Variants in GGH observed in about 807,000 individuals in gnomAD.
GGH encodes gamma-glutamyl hydrolase.
A neutral mutation model predicts 39.2 loss-of-function variants in GGH; 18 were observed. The observed-to-expected ratio is 0.46, with a 90% CI of 0.32 to 0.68. The LOEUF (loss-of-function observed/expected upper bound fraction) is 0.68. GGH is among the 30% of genes least tolerant of loss of function. GGH has a pLI of 0.04. For missense variants in GGH, 367 were observed against 384.1 expected (o/e 0.96, Z 0.37); for synonymous variants, 147 against 138.8 (o/e 1.06, Z -0.42).
intron 5 of GGH, 87 bp from the exon 6 acceptor site, chr8:63,024,273 A>AT: frequency 1.4e-6 from 1 of 709,414 alleles, no homozygotes; most frequent in Admixed American, 2.6e-5. Flanking sequence ...AAGAGAAGCC[A>AT]TTATGAAGAC....
At chr8:63,038,539 G>T in intron 1 of GGH, 121 bp downstream of exon 1, 1 of 498,940 alleles carries the variant, frequency 2.0e-6, no homozygotes, top group Non-Finnish European at 3.5e-6. Flanking sequence ...TGCACCAAAA[G>T]CGAAGCACAT....
chr8:63,015,355 G>A lies in GGH; in HGVS notation c.934C>T (p.Gln312Ter). The change falls in exon 9 of 9, where the codon CAG (glutamine) becomes TAG (stop). Residue 312 changes from glutamine to a stop codon, truncating the protein, a stop_gained. Coordinates refer to ENST00000260118, the MANE Select transcript of GGH (RefSeq NM_003878.3). LOFTEE classifies it high-confidence loss of function. ...PIYTGNISSF[Q>*]QCYIFD ...TTTCAATCAAATATGTAACATTGCT[G>A]AAATGAAGAAATATTTCCAGTATAA... The A allele has an allele frequency of 7.2e-7, 1 of 1,396,718 alleles. No individual in the cohort carries two copies. Among genetic ancestry groups the A allele is most frequent in the East Asian group, 2.3e-5 (1 of 42,580 alleles). 86.5% of individuals were successfully genotyped at this position (1,396,718 alleles called of 1,614,324 possible). A position where few individuals can be genotyped will look rare whatever the true frequency, so the allele number is the denominator to read the frequency against.
chr8:63,019,231 A>T (rs4521747), intron 7 of GGH, among the ~76,000 whole-genome samples: 18,823 of 152,236 alleles, frequency 0.12, 1,373 homozygotes, highest in East Asian at 0.34. Context: ...CCAGGAAAAT[A>T]TGTATCTTGT....
chr8:63,032,699 A>G (rs59169978), intron 2 of GGH, among the ~76,000 whole-genome samples: 12,046 of 152,238 alleles, frequency 0.079, 479 homozygotes, highest in South Asian at 0.17. Flanking sequence ...AGGCTAGTCT[A>G]TGAACTCACC....
At position 63,034,457 on chromosome 8, in the gene GGH, A is replaced by G. The variant is rs532488614; in HGVS notation, c.224+1199T>C. 2.0e-5 allele frequency among the ~76,000 whole-genome samples: 3 copies of G among 152,306 alleles called. No homozygotes were observed. The South Asian group carries it at 6.2e-4, about 32-fold the overall frequency. On this transcript the variant is annotated intron_variant, in intron 2 of 8. Coordinates refer to ENST00000260118, the MANE Select transcript of GGH (RefSeq NM_003878.3). ...TTTTGATGAGGAATTGTTTGCAAAAACAGGCTGTACAGAATAAATAGTGTT... is the reference window on the plus strand; with the variant it reads ...TTTTGATGAGGAATTGTTTGCAAAAGCAGGCTGTACAGAATAAATAGTGTT...
chr8:63,031,178 T>G (rs767961722), intron 2 of GGH, among the ~76,000 whole-genome samples: 5 of 152,172 alleles, frequency 3.3e-5, no homozygotes, highest in Non-Finnish European at 5.9e-5. Context: ...CTCACACCCA[T>G]TATTAACTAG....
intron 3 of GGH, chr8:63,028,022 T>C (rs1338362689): frequency 1.3e-5 from 2 of 152,170 alleles, no homozygotes; most frequent in East Asian, 1.9e-4. Context: ...AAAAATGGTA[T>C]TAATCATATT....
intron 7 of GGH, among the ~76,000 whole-genome samples, chr8:63,022,415 A>G (rs1444623068): frequency 6.6e-6 from 1 of 152,076 alleles, no homozygotes; most frequent in Non-Finnish European, 1.5e-5. Context: ...CACATTTGGC[A>G]TTTACATTTA....
chr8:63,028,795 A>G (rs1701171901), intron 3 of GGH, among the ~76,000 whole-genome samples: 1 of 152,194 alleles, frequency 6.6e-6, no homozygotes, highest in Non-Finnish European at 1.5e-5. Flanking sequence ...AGCTCCCCAA[A>G]GTATGTATTC....
intron 3 of GGH, among the ~76,000 whole-genome samples, chr8:63,029,329 T>C (rs867278493): frequency 7.9e-5 from 12 of 152,132 alleles, no homozygotes; most frequent in South Asian, 2.1e-4. Flanking sequence ...ACATTGTTCA[T>C]AGGACAATGG....
At chr8:63,032,718 A>G (rs1322565529) in intron 2 of GGH, among the ~76,000 whole-genome samples, 2 of 152,192 alleles carry the variant, frequency 1.3e-5, no homozygotes, top group African/African-American at 4.8e-5. Context: ...CCCCATATGT[A>G]TTACACTGTT....
rs562318134 is a variant in GGH, at chr8:63,015,154, G to T, written c.*178C>A. On this transcript the variant is annotated 3_prime_UTR_variant, in exon 9 of 9. Coordinates refer to ENST00000260118, the MANE Select transcript of GGH (RefSeq NM_003878.3). ...TTTCCATGAAAAACACTCTATTTAT[G>T]TCTCACTATTTAATTATCTAATGTT... 1.8e-5 allele frequency: 7 copies of T among 384,818 alleles called. No homozygotes were observed. The South Asian group carries it at 6.9e-4, about 38-fold the overall frequency. The allele number at this position is 384,818 out of a possible 1,614,324, so 23.8% of individuals were successfully genotyped here. A position where few individuals can be genotyped will look rare whatever the true frequency, so the allele number is the denominator to read the frequency against.
intron 7 of GGH, 184 bp from the exon 8 acceptor site, chr8:63,017,814 G>T: frequency 2.1e-6 from 1 of 487,468 alleles, no homozygotes; most frequent in East Asian, 3.4e-5. Flanking sequence ...TCCCTGTAAC[G>T]TATTTCACTG....
At chr8:63,017,695 GGTTT>G (rs1275254198) in intron 7 of GGH, 65 bp from the exon 8 acceptor site, 22 of 963,754 alleles carry the variant, frequency 2.3e-5, no homozygotes, top group Admixed American at 5.3e-5. Context: ...TAATGAAATT[GGTTT>G]ATTTCTTATG....
At chr8:63,029,782 T>C (rs191583428) in intron 3 of GGH, among the ~76,000 whole-genome samples, 44 of 152,080 alleles carry the variant, frequency 2.9e-4, no homozygotes, top group African/African-American at 1.1e-3. Context: ...GAATATTTTT[T>C]CCCAATTTAC....
At chr8:63,020,099 T>C (rs1333529833) in intron 7 of GGH, among the ~76,000 whole-genome samples, 2 of 152,198 alleles carry the variant, frequency 1.3e-5, no homozygotes. Context: ...TTGAAGTCAC[T>C]GACATTCAGT....
chr8:63,035,688 C>G lies in GGH; in HGVS notation c.192G>C (p.Leu64Phe). ...GTACAACTCTCGCACCTGCAGACTC[C>G]AAGTACTTTACATAGGACGCAGCAA... ...YYIAASYVKY[L>F]ESAGARVVPV... The change falls in exon 2 of 9, where the codon TTG (leucine) becomes TTC (phenylalanine). Residue 64 changes from leucine (L) to phenylalanine (F), a missense_variant. Physicochemically the swap from Leu to Phe is conservative, Grantham distance 22 (BLOSUM62 0). Transcript: ENST00000260118. 1 of 1,612,790 alleles carries G rather than the reference C, an allele frequency of 6.2e-7. No homozygotes were observed. The highest frequency in any genetic ancestry group is 1.1e-5 in the South Asian group (1 of 90,714).
intron 5 of GGH, chr8:63,024,571 C>A: frequency 6.1e-6 from 1 of 162,656 alleles, no homozygotes; most frequent in Non-Finnish European, 1.3e-5. Flanking sequence ...TCAAATATAA[C>A]ATATTTTCAG....
intron 2 of GGH, among the ~76,000 whole-genome samples, chr8:63,031,430 T>C (rs1804800048): frequency 6.6e-6 from 1 of 152,170 alleles, no homozygotes; most frequent in Non-Finnish European, 1.5e-5. Flanking sequence ...AATATACATG[T>C]ACCCAGTATT....
Sources: gnomAD v4.1 joint callset for allele counts (sites outside exome capture counted in the v4.1 genomes callset) on GRCh38, gnomAD v4.1.1 for gene constraint, MANE v1.5 for transcripts, NCBI Gene and HGNC (gene_info 2026-07-23, HGNC 2026-07-21) for gene names.